Variants in THEMIS2 observed in about 807,000 individuals in gnomAD.
THEMIS2 encodes the protein thymocyte selection associated family member 2, also known as protein THEMIS2.
In THEMIS2, 29 loss-of-function variants were observed where a neutral mutation model predicts 46.8. That is an observed-to-expected ratio of 0.62 (90% confidence interval 0.46 to 0.84). The LOEUF is 0.84. Among genes scored for constraint, THEMIS2 ranks in the 40% least tolerant of loss-of-function variants. The probability of loss-of-function intolerance (pLI) is 0.00; values close to 1 mark genes in which losing one functional copy is unlikely to be tolerated. For missense variants in THEMIS2, 698 were observed against 834.7 expected, an observed-to-expected ratio of 0.84 and a Z score of 2.02; for synonymous variants, 335 against 349.1, an observed-to-expected ratio of 0.96 and a Z score of 0.45.
chr1:27,881,909 G>GCCTGGGGTGGGGGCCACT (rs1296592652), intron 3 of THEMIS2, 62 bp from the exon 4 acceptor site: 2 of 1,394,434 alleles, frequency 1.4e-6, no homozygotes, highest in Non-Finnish European at 2.0e-6. Context: ...AATGCTCTAT[G>GCCTGGGGTGGGGGCCACT]CCTGGGGTGG....
chr1:27,873,464 G>A (rs983345520), intron 1 of THEMIS2, among the ~76,000 whole-genome samples: 1 of 152,234 alleles, frequency 6.6e-6, no homozygotes, highest in African/African-American at 2.4e-5. Flanking sequence ...TGGGGGTGCG[G>A]GTTCCTTCCT....
At chr1:27,873,632 C>T (rs770881341) in intron 1 of THEMIS2, among the ~76,000 whole-genome samples, 1 of 152,172 alleles carries the variant, frequency 6.6e-6, no homozygotes, top group Non-Finnish European at 1.5e-5. Context: ...GGGCCACCAC[C>T]TCGCAGTGGG....
intron 4 of THEMIS2, chr1:27,883,494 C>T (rs572102634): frequency 1.8e-5 from 3 of 165,064 alleles, no homozygotes; most frequent in African/African-American, 2.4e-5. Flanking sequence ...TCTTCTGGAA[C>T]CTTCTGTGGC....
At chr1:27,874,729 C>G (rs1391009413) in intron 1 of THEMIS2, among the ~76,000 whole-genome samples, 1 of 152,096 alleles carries the variant, frequency 6.6e-6, no homozygotes, top group African/African-American at 2.4e-5. Flanking sequence ...TTGCAGTGAG[C>G]TATGATTGCA....
rs1256524975 is a variant in THEMIS2, at chr1:27,874,033, G to GTTTTTTT, written c.94+1379_94+1385dup. On this transcript the variant is annotated intron_variant, in intron 1 of 5. Transcript: ENST00000373921. ...GGCAAACACCCTGGGTTCAACCTAG[G>GTTTTTTT]TTTTTTTTTTTTTTTTTGAGACAGA... 2.7e-4 allele frequency among the ~76,000 whole-genome samples: 26 copies of GTTTTTTT among 97,138 alleles called. 1 individual carries two copies. The East Asian group carries it at 4.9e-3, about 18-fold the overall frequency. The allele number at this position is 97,138 out of a possible 152,430, so 63.7% of individuals were successfully genotyped here.
chr1:27,881,836 C>G (rs1247784097), intron 3 of THEMIS2, 135 bp from the exon 4 acceptor site: 22 of 669,344 alleles, frequency 3.3e-5, no homozygotes, highest in Non-Finnish European at 4.9e-5. Flanking sequence ...GAGTGAAACT[C>G]CATCTCAAAA....
At chr1:27,880,181 C>G (rs367770611) in intron 3 of THEMIS2, 127 bp downstream of exon 3, 13 of 1,085,648 alleles carry the variant, frequency 1.2e-5, no homozygotes, top group African/African-American at 1.6e-5. Context: ...AGGTTGCTCC[C>G]TCTGTATTAC....
At chr1:27,875,424 C>G (rs572212083) in intron 1 of THEMIS2, among the ~76,000 whole-genome samples, 3 of 152,214 alleles carry the variant, frequency 2.0e-5, no homozygotes, top group Non-Finnish European at 4.4e-5. Context: ...TCTGGAAGGC[C>G]CATGCTCTGA....
At position 27,879,996 on chromosome 1, in the gene THEMIS2, C is replaced by A; in HGVS notation, c.588C>A (p.Thr196=). Residue 196 remains threonine (T), a synonymous_variant, in exon 3 of 6, where the codon ACC becomes ACA. Coordinates refer to ENST00000373921, the MANE Select transcript of THEMIS2 (RefSeq NM_001105556.3). ...AAGACCTCGTCCTCACCTGCCCCAC[C>A]CTGCCCTGGCATTCCCTGATCCTGC... ...ALKDLVLTCP[T]LPWHSLILRP... is the part of the protein sequence containing the mutation. 6.2e-7 allele frequency: 1 copy of A among 1,612,482 alleles called. No homozygotes were observed. Among genetic ancestry groups the A allele is most frequent in the Middle Eastern group, 1.7e-4 (1 of 6,052 alleles).
chr1:27,880,123 C>T (rs2089655507), intron 3 of THEMIS2, 69 bp downstream of exon 3: 1 of 1,486,200 alleles, frequency 6.7e-7, no homozygotes, highest in Admixed American at 2.2e-5. Flanking sequence ...GGGAGCTGCT[C>T]TGATGGAAGA....
At position 27,882,195 on chromosome 1, in the gene THEMIS2, G is replaced by C; in HGVS notation, c.871G>C (p.Val291Leu). ...CTTGCAAAAAGGCCAGAGGCTTTGC[G>C]TCTATGGCCTAGCCTCACCACCCTG... Reference protein sequence around the residue: ...GSLQKGQRLCVYGLASPPWRV... With the variant: ...GSLQKGQRLCLYGLASPPWRV... The change falls in exon 4 of 6, where the codon GTC (valine) becomes CTC (leucine). Residue 291 changes from valine to leucine, a missense_variant. Val to Leu is a conservative substitution (Grantham distance 32). Coordinates refer to ENST00000373921, the MANE Select transcript of THEMIS2 (RefSeq NM_001105556.3). This position sits in a 1 kb window ranked among gnomAD's most constrained non-coding sequence, Gnocchi z 7.6. 1 of 1,613,598 alleles carries C rather than the reference G, an allele frequency of 6.2e-7. No individual in the cohort carries two copies. Among genetic ancestry groups the C allele is most frequent in the Non-Finnish European group, 8.5e-7 (1 of 1,179,748 alleles).
intron 3 of THEMIS2, among the ~76,000 whole-genome samples, chr1:27,880,432 C>T (rs931376129): frequency 2.6e-5 from 4 of 152,130 alleles, no homozygotes; most frequent in Admixed American, 1.3e-4. Flanking sequence ...GTGGTCCACC[C>T]GCCTTGGCCT....
At position 27,882,189 on chromosome 1, in the gene THEMIS2, CT is replaced by C. The variant is rs1557452300; in HGVS notation, c.868del (p.Cys290AlafsTer5). Reference protein sequence around the residue: ...WVGSLQKGQRLCVYGLASPPW... With the variant: ...WVGSLQKGQRXCVYGLASPPW... ...GGGCTCCTTGCAAAAAGGCCAGAGGCTTTGCGTCTATGGCCTAGCCTCACCA... is the reference window on the plus strand; with the variant it reads ...GGGCTCCTTGCAAAAAGGCCAGAGGCTTGCGTCTATGGCCTAGCCTCACCA... On this transcript the variant is annotated frameshift_variant, in exon 4 of 6. Transcript: ENST00000373921. LOFTEE classifies it high-confidence loss of function. This position sits in a 1 kb window ranked among gnomAD's most constrained non-coding sequence, Gnocchi z 7.6. 1 of 1,613,820 alleles carries C rather than the reference CT, an allele frequency of 6.2e-7. No individual in the cohort carries two copies. The highest frequency in any genetic ancestry group is 8.5e-7 in the Non-Finnish European group (1 of 1,179,848).
In THEMIS2 at chr1:27,886,367, G is replaced by A. The variant is rs1553125178; in HGVS notation, c.*445G>A. 1 of 198,368 alleles carries A rather than the reference G, an allele frequency of 5.0e-6. No homozygotes were observed. The highest frequency in any genetic ancestry group is 1.1e-5 in the Non-Finnish European group (1 of 95,038). 12.3% of individuals were successfully genotyped at this position (198,368 alleles called of 1,614,324 possible). ...AAGCTCTAAGCCCCCGGGAGGCCTG[G>A]ACTGTCTTCCTCATCTCTGTAGCAC... On this transcript the variant is annotated 3_prime_UTR_variant, in exon 6 of 6. Transcript: ENST00000373921.
intron 2 of THEMIS2, among the ~76,000 whole-genome samples, chr1:27,877,158 T>A (rs1421159990): frequency 6.6e-6 from 1 of 150,840 alleles, no homozygotes; most frequent in Non-Finnish European, 1.5e-5. Flanking sequence ...GTAAAAGGAG[T>A]CATAAGCTTT....
chr1:27,885,743 G>T (rs1410509815), intron 5 of THEMIS2, 124 bp from the exon 6 acceptor site: 22 of 959,076 alleles, frequency 2.3e-5, no homozygotes, highest in Non-Finnish European at 3.4e-5. Flanking sequence ...GTGGTTTCTA[G>T]GCTAGCAAAG....
At chr1:27,885,086 C>A in intron 4 of THEMIS2, 1 of 529,288 alleles carries the variant, frequency 1.9e-6, no homozygotes, top group Non-Finnish European at 3.4e-6. Flanking sequence ...CAACCCTATC[C>A]TCATTTTCTA....
intron 1 of THEMIS2, among the ~76,000 whole-genome samples, chr1:27,875,311 C>T (rs948073476): frequency 6.6e-6 from 1 of 152,216 alleles, no homozygotes; most frequent in Admixed American, 6.5e-5. Context: ...TTGAAACTGC[C>T]TGTCTCCGCA....
At chr1:27,881,550 G>A (rs559853804) in intron 3 of THEMIS2, among the ~76,000 whole-genome samples, 5 of 151,848 alleles carry the variant, frequency 3.3e-5, no homozygotes, top group East Asian at 3.9e-4. Context: ...AGCGGGGGCC[G>A]GGCGTGGTGG....
Sources: allele counts gnomAD v4.1 joint callset (sites outside exome capture counted in the v4.1 genomes callset), GRCh38; gene constraint gnomAD v4.1.1; non-coding constraint Gnocchi (gnomAD v3.1); transcripts MANE v1.5; gene names NCBI Gene and HGNC (gene_info 2026-07-23, HGNC 2026-07-21).